The following NIN variants were observed in gnomAD, a reference collection of about 807,000 sequenced individuals.
NIN encodes the protein ninein, also known as glycogen synthase kinase 3 beta-interacting protein.
Under a neutral mutation model 257.6 loss-of-function variants are expected in NIN, and 137 were observed. The ratio of observed to expected loss-of-function variants is 0.53; its 90% confidence interval spans 0.46 to 0.61. The LOEUF is 0.61. Ranked by LOEUF, NIN falls within the 20% of genes least tolerant of loss-of-function variation. The pLI is 0.00. For synonymous variants in NIN, 918 were observed against 919.8 expected (o/e 1.00, Z 0.04); for missense variants, 2,439 against 2,501.2 (o/e 0.98, Z 0.53).
At chr14:50,766,233 G>A in intron 14 of NIN, 74 bp downstream of exon 14, 1 of 1,114,734 alleles carries the variant, frequency 9.0e-7, no homozygotes, top group Non-Finnish European at 1.4e-6. Context: ...TAGGGTCACA[G>A]AGCTAGGGAA....
chr14:50,816,960 A>G (rs2044929567), intron 3 of NIN, among the ~76,000 whole-genome samples: 3 of 152,230 alleles, frequency 2.0e-5, no homozygotes, highest in Admixed American at 1.3e-4. Flanking sequence ...TTTGATGAGA[A>G]AGCATTAATA....
chr14:50,789,425 T>C (rs757162763), intron 5 of NIN, among the ~76,000 whole-genome samples: 11 of 152,172 alleles, frequency 7.2e-5, no homozygotes, highest in South Asian at 6.2e-4. Flanking sequence ...ATACAAAAAT[T>C]AGCCAGGCAT....
rs1395562415 is a variant in NIN, at chr14:50,831,069, C to T, written c.-139G>A. The T allele has an allele frequency of 6.7e-6, 1 of 150,190 alleles. No individual in the cohort carries two copies. Among genetic ancestry groups the T allele is most frequent in the Non-Finnish European group, 1.5e-5 (1 of 67,408 alleles). The allele number at this position is 150,190 out of a possible 1,614,324, so 9.3% of individuals were successfully genotyped here. A position where few individuals can be genotyped will look rare whatever the true frequency, so the allele number is the denominator to read the frequency against. On this transcript the variant is annotated 5_prime_UTR_variant, in exon 1 of 31. Coordinates refer to ENST00000530997, the MANE Select transcript of NIN (RefSeq NM_020921.4). ...ACCATGGCCGCTGGCGCACTCCGGG[C>T]TTGGCGGCGGCAGCGGGACGGCCGC...
At chr14:50,766,125 C>A (rs867805706) in intron 14 of NIN, among the ~76,000 whole-genome samples, 182 bp downstream of exon 14, 4 of 152,110 alleles carry the variant, frequency 2.6e-5, no homozygotes, top group African/African-American at 9.6e-5. Flanking sequence ...CATATACTCA[C>A]TGATGGAATT....
At chr14:50,767,779 T>A (rs899375620) in intron 12 of NIN, among the ~76,000 whole-genome samples, 4 of 146,730 alleles carry the variant, frequency 2.7e-5, no homozygotes, top group African/African-American at 7.6e-5. Flanking sequence ...ATGGCGCCAC[T>A]GCACTCCAGC....
chr14:50,822,332 T>C (rs935756055), intron 2 of NIN, among the ~76,000 whole-genome samples: 2 of 152,196 alleles, frequency 1.3e-5, no homozygotes, highest in Admixed American at 1.3e-4. Context: ...ATTACCAGAA[T>C]GAGAGGGTCA....
chr14:50,756,991 A>T lies in NIN; in HGVS notation c.4039T>A (p.Leu1347Ile). 6.2e-7 allele frequency: 1 copy of T among 1,613,466 alleles called. No individual in the cohort carries two copies. Among genetic ancestry groups the T allele is most frequent in the Non-Finnish European group, 8.5e-7 (1 of 1,179,714 alleles). Reference sequence around the variant, plus strand: ...AGGTTCTCTAAACTGGCTTCCCATAAGCAGCAGTCACACCGCTGGACCACG... The same window carrying T: ...AGGTTCTCTAAACTGGCTTCCCATATGCAGCAGTCACACCGCTGGACCACG... ...ESVVQRCDCC[L>I]WEASLENLEI... Residue 1347 changes from leucine (L) to isoleucine (I), a missense_variant, in exon 18 of 31, where the codon TTA becomes ATA. This residue lies in a region of NIN where 2,043 missense variants were observed against 2,050.2 expected (regional missense o/e 1.00). Transcript: ENST00000530997.
intron 2 of NIN, chr14:50,823,194 G>A (rs139109975): frequency 2.1e-4 from 120 of 559,564 alleles, no homozygotes; most frequent in Middle Eastern, 3.0e-4. Context: ...CATTTTTAAC[G>A]TGCTGGATTT....
rs113648760 is a variant in NIN, at chr14:50,737,551, T to C, written c.5775+589A>G. Among the ~76,000 whole-genome samples the C allele has an allele frequency of 6.0e-3, 840 of 139,896 alleles. 10 individuals carry two copies. Among genetic ancestry groups the C allele is most frequent in the Non-Finnish European group, 9.7e-3 (632 of 64,866 alleles). The allele number at this position is 139,896 out of a possible 152,430, so 91.8% of individuals were successfully genotyped here. On this transcript the variant is annotated intron_variant, in intron 27 of 30. Transcript: ENST00000530997. ...TATTAAGATGTTTCTAATATTCGAG[T>C]GATAAATATTTTGCCAACTTATAAG...
intron 29 of NIN, among the ~76,000 whole-genome samples, 153 bp downstream of exon 29, chr14:50,729,370 A>G (rs937666580): frequency 6.6e-6 from 1 of 152,054 alleles, no homozygotes; most frequent in Admixed American, 6.5e-5. Flanking sequence ...TCTGGCCTCA[A>G]GCGATCCTCC....
At chr14:50,789,349 TGG>T (rs2043482364) in intron 5 of NIN, among the ~76,000 whole-genome samples, 2 of 145,368 alleles carry the variant, frequency 1.4e-5, no homozygotes, top group Admixed American at 1.4e-4. Flanking sequence ...CCGAGGCAGG[TGG>T]ATCATGAGGT....
At chr14:50,732,187 G>GA (rs1369171537) in intron 28 of NIN, among the ~76,000 whole-genome samples, 3 of 152,162 alleles carry the variant, frequency 2.0e-5, no homozygotes, top group African/African-American at 4.8e-5. Context: ...AGTATATAGA[G>GA]ATGAGAGACT....
At position 50,743,501 on chromosome 14, in the gene NIN, C is replaced by A. The variant is rs1315116050; in HGVS notation, c.5216G>T (p.Arg1739Ile). 1.2e-6 allele frequency: 2 copies of A among 1,613,426 alleles called. No homozygotes were observed. Among genetic ancestry groups the A allele is most frequent in the Non-Finnish European group, 1.7e-6 (2 of 1,179,522 alleles). The change falls in exon 24 of 31, where the codon AGA (arginine) becomes ATA (isoleucine). Residue 1739 changes from arginine (R) to isoleucine (I), a missense_variant. This residue lies in a region of NIN where 2,043 missense variants were observed against 2,050.2 expected (regional missense o/e 1.00). Coordinates refer to ENST00000530997, the MANE Select transcript of NIN (RefSeq NM_020921.4). Reference sequence around the variant, plus strand: ...CTGTTCCTGCTTCATCGTCGCAATTCTATGCTCTAAAAGACTTGATTTTGC... The same window carrying A: ...CTGTTCCTGCTTCATCGTCGCAATTATATGCTCTAAAAGACTTGATTTTGC... ...KLAKSSLLEH[R>I]IATMKQEQKS...
chr14:50,816,495 G>A (rs565809533), intron 3 of NIN, among the ~76,000 whole-genome samples: 1 of 152,276 alleles, frequency 6.6e-6, no homozygotes, highest in Non-Finnish European at 1.5e-5. Context: ...GTGAGGGAAT[G>A]GAGATTCACT....
At chr14:50,743,341 C>A (rs565070636) in intron 24 of NIN, 75 bp downstream of exon 24, 15 of 983,254 alleles carry the variant, frequency 1.5e-5, no homozygotes, top group Non-Finnish European at 2.3e-5. Flanking sequence ...CTGGAACACT[C>A]TTTTTACCGG....
At chr14:50,791,807 G>GCGCA (rs1555388926) in intron 5 of NIN, among the ~76,000 whole-genome samples, 6 of 116,702 alleles carry the variant, frequency 5.1e-5, no homozygotes, top group African/African-American at 2.6e-4. Flanking sequence ...AGGTGCACGC[G>GCGCA]CACACACACA....
In NIN at chr14:50,735,513, TACCTCCATG is replaced by T; in HGVS notation, c.5871_5877+2del. 1 of 1,612,664 alleles carries T rather than the reference TACCTCCATG, an allele frequency of 6.2e-7. No individual in the cohort carries two copies. The highest frequency in any genetic ancestry group is 8.5e-7 in the Non-Finnish European group (1 of 1,179,854). On this transcript the variant is annotated splice_donor_variant and coding_sequence_variant, in exon 28 of 31. Transcript: ENST00000530997. LOFTEE classifies it high-confidence loss of function. ...AGCTAAGGCCATCTGCTGAGAAACT[TACCTCCATG>T]AGCTGCTCATCCAGTTTTACTTGTT...
chr14:50,785,628 C>G (rs2043314474), intron 5 of NIN, among the ~76,000 whole-genome samples: 1 of 152,210 alleles, frequency 6.6e-6, no homozygotes, highest in Non-Finnish European at 1.5e-5. Flanking sequence ...CACAGGAAGT[C>G]TCTGAAAACA....
At chr14:50,733,090 C>T (rs907212506) in intron 28 of NIN, among the ~76,000 whole-genome samples, 1 of 120,824 alleles carries the variant, frequency 8.3e-6, no homozygotes, top group Non-Finnish European at 1.7e-5. Context: ...AAATCTATAG[C>T]ATTAATAATT....
Sources: gnomAD v4.1 joint callset for allele counts (sites outside exome capture counted in the v4.1 genomes callset) on GRCh38, gnomAD v4.1.1 for gene constraint, gnomAD v4.1.1 regional missense constraint, MANE v1.5 for transcripts, NCBI Gene and HGNC (gene_info 2026-07-23, HGNC 2026-07-21) for gene names.